Variants in COL13A1 observed in about 807,000 individuals in gnomAD.
The protein encoded by COL13A1 is collagen alpha-1(XIII) chain.
Under a neutral mutation model 130.9 loss-of-function variants are expected in COL13A1, and 89 were observed. That is an observed-to-expected ratio of 0.68 (90% CI 0.57 to 0.81). COL13A1 has a LOEUF of 0.81. Ranked by LOEUF, COL13A1 falls within the 30% of genes least tolerant of loss-of-function variation. COL13A1 has a pLI of 0.00. For missense variants in COL13A1, 879 were observed against 934.6 expected (o/e 0.94, Z 0.78); for synonymous variants, 402 against 341.6 (o/e 1.18, Z -1.95).
At chr10:69,868,734 G>C (rs1284908156) in intron 3 of COL13A1, among the ~76,000 whole-genome samples, 1 of 152,158 alleles carries the variant, frequency 6.6e-6, no homozygotes, top group Non-Finnish European at 1.5e-5. Context: ...CATTATCGAA[G>C]ACTCCATTTG....
Position 69,875,175 on chromosome 10 carries a change from C to T in COL13A1, c.435+12C>T, listed in dbSNP as rs373086073. 127 of 1,613,906 alleles carry T rather than the reference C, an allele frequency of 7.9e-5. No homozygotes were observed. The African/African-American group carries it at 1.2e-3, about 16-fold the overall frequency. ...TGCCTGGACGTGTGGTGAGTTGGCC[C>T]GTTTGTACCTGCTCAGGTGGCCATT... On this transcript the variant is annotated intron_variant, in intron 5 of 40. Coordinates refer to ENST00000645393, the MANE Select transcript of COL13A1 (RefSeq NM_001368882.1).
intron 3 of COL13A1, 21 bp downstream of exon 3, chr10:69,867,826 T>A (rs1255155395): frequency 1.4e-6 from 1 of 718,222 alleles, no homozygotes; most frequent in Non-Finnish European, 2.6e-6. Context: ...AAGCCGAGGG[T>A]CTCGTGCATC....
At chr10:69,867,937 G>A in intron 3 of COL13A1, 132 bp downstream of exon 3, 3 of 655,536 alleles carry the variant, frequency 4.6e-6, no homozygotes, top group Non-Finnish European at 2.8e-6. Flanking sequence ...CTCCTGAGGG[G>A]TCCCTCCAGA....
chr10:69,897,558 G>A, intron 13 of COL13A1: 1 of 1,612,770 alleles, frequency 6.2e-7, no homozygotes. Flanking sequence ...AGGTCTCCGG[G>A]CCCCTCTCCA....
chr10:69,932,519 A>T (rs757922237), intron 30 of COL13A1, 41 bp from the exon 31 acceptor site: 2 of 1,549,490 alleles, frequency 1.3e-6, no homozygotes, highest in South Asian at 2.3e-5. Flanking sequence ...CCAGGCTTTC[A>T]CAAGGGCTGG....
At chr10:69,846,426 G>A (rs772551564) in intron 2 of COL13A1, among the ~76,000 whole-genome samples, 3 of 152,166 alleles carry the variant, frequency 2.0e-5, no homozygotes, top group Non-Finnish European at 2.9e-5. Flanking sequence ...GGGGAGGCCA[G>A]CACTGCGACA....
intron 2 of COL13A1, among the ~76,000 whole-genome samples, chr10:69,839,842 G>A (rs1036798695): frequency 5.3e-5 from 8 of 152,186 alleles, no homozygotes; most frequent in African/African-American, 1.2e-4. Context: ...GTGGCGCCTC[G>A]TGTGACTCTG....
chr10:69,852,168 A>G (rs1202788092), intron 2 of COL13A1, among the ~76,000 whole-genome samples: 1 of 152,196 alleles, frequency 6.6e-6, no homozygotes, highest in African/African-American at 2.4e-5. Context: ...GGCCTTCCTC[A>G]GTCATCCAAG....
chr10:69,846,321 C>T lies in COL13A1; in HGVS notation c.365-21477C>T, dbSNP rs1589409550. Among the ~76,000 whole-genome samples the T allele has an allele frequency of 2.0e-5, 3 of 152,228 alleles. No homozygotes were observed. The South Asian group carries it at 6.2e-4, about 32-fold the overall frequency. ...CCTGGTTCCTAATCAACAGGAAGGG[C>T]CTCTGCCTCCAGGATCACTTTTCAG... On this transcript the variant is annotated intron_variant, in intron 2 of 40. Coordinates refer to ENST00000645393, the MANE Select transcript of COL13A1 (RefSeq NM_001368882.1).
At chr10:69,957,170 G>T (rs371960713) in intron 40 of COL13A1, 128 bp downstream of exon 40, 3 of 775,746 alleles carry the variant, frequency 3.9e-6, no homozygotes, top group East Asian at 2.6e-5. Context: ...TGTCTCAAAG[G>T]CAGGGTGCCC....
At chr10:69,922,409 AT>A (rs2064805776) in intron 22 of COL13A1, among the ~76,000 whole-genome samples, 1 of 152,140 alleles carries the variant, frequency 6.6e-6, no homozygotes, top group Non-Finnish European at 1.5e-5. Context: ...ACCAATAATA[AT>A]GTTATTCCAC....
At chr10:69,838,561 C>A (rs552662282) in intron 2 of COL13A1, among the ~76,000 whole-genome samples, 42 of 152,288 alleles carry the variant, frequency 2.8e-4, no homozygotes, top group African/African-American at 1.0e-3. Flanking sequence ...TCTCCTGAAC[C>A]GCAGGCCAGG....
chr10:69,845,589 C>T (rs1852815730), intron 2 of COL13A1, among the ~76,000 whole-genome samples: 1 of 152,174 alleles, frequency 6.6e-6, no homozygotes, highest in South Asian at 2.1e-4. Flanking sequence ...TCCTTCCCCT[C>T]CCTCAGCCTG....
chr10:69,840,131 G>A (rs1442047159), intron 2 of COL13A1, among the ~76,000 whole-genome samples: 1 of 152,188 alleles, frequency 6.6e-6, no homozygotes, highest in African/African-American at 2.4e-5. Context: ...TGGCTGTCGG[G>A]TGAGAGATGG....
intron 40 of COL13A1, among the ~76,000 whole-genome samples, chr10:69,957,600 T>C (rs1407385457): frequency 6.6e-6 from 1 of 152,232 alleles, no homozygotes; most frequent in Non-Finnish European, 1.5e-5. Context: ...TTTTCATTGA[T>C]TCACACTGGC....
At chr10:69,911,276 C>T (rs2063348506) in intron 17 of COL13A1, among the ~76,000 whole-genome samples, 1 of 152,238 alleles carries the variant, frequency 6.6e-6, no homozygotes, top group Non-Finnish European at 1.5e-5. Context: ...GTGTGGTGGA[C>T]ACACTTCTGT....
chr10:69,848,624 C>A (rs1853805908), intron 2 of COL13A1, among the ~76,000 whole-genome samples: 1 of 152,222 alleles, frequency 6.6e-6, no homozygotes, highest in Non-Finnish European at 1.5e-5. Context: ...CAGGTGTGGA[C>A]CCACGCACCG....
Position 69,935,364 on chromosome 10 carries a change from A to G in COL13A1, c.1743A>G (p.Pro581=). Residue 581 remains proline (P), a synonymous_variant, in exon 32 of 41, where the codon CCA becomes CCG. Transcript: ENST00000645393. ...TTGGCTTTTAGGTTCCTGGGCTGCC[A>G]GGGCCAGAGGGGCCTCCCGGACCTC... is the stretch of plus-strand genomic sequence containing the variant. ...GNPGAEVPGL[P]GPEGPPGPPG... The G allele has an allele frequency of 6.3e-7, 1 of 1,577,742 alleles. No homozygotes were observed. The highest frequency in any genetic ancestry group is 8.6e-7 in the Non-Finnish European group (1 of 1,161,146).
chr10:69,915,568 G>A (rs535039787), intron 17 of COL13A1, among the ~76,000 whole-genome samples: 1 of 152,236 alleles, frequency 6.6e-6, no homozygotes, highest in Non-Finnish European at 1.5e-5. Flanking sequence ...CATTGAGGAT[G>A]CAGCGCTGAG....
Sources: gnomAD v4.1 joint callset for allele counts (sites outside exome capture counted in the v4.1 genomes callset) on GRCh38, gnomAD v4.1.1 for gene constraint, MANE v1.5 for transcripts, NCBI Gene and HGNC (gene_info 2026-07-23, HGNC 2026-07-21) for gene names.